The following TASP1 variants were observed in gnomAD, a reference collection of about 807,000 sequenced individuals.
TASP1 encodes threonine aspartase 1.
Under a neutral mutation model 56.6 loss-of-function variants are expected in TASP1, and 16 were observed. That is an observed-to-expected ratio of 0.28 (90% CI 0.19 to 0.43). The LOEUF (loss-of-function observed/expected upper bound fraction) is 0.43, where lower values mean the gene tolerates loss of function less well. Among genes scored for constraint, TASP1 ranks in the 20% least tolerant of loss-of-function variants. The pLI is 1.00. For synonymous variants in TASP1, 179 were observed against 184.2 expected, an observed-to-expected ratio of 0.97 and a Z score of 0.23; for missense variants, 393 against 511.6, an observed-to-expected ratio of 0.77 and a Z score of 2.24.
intron 11 of TASP1, among the ~76,000 whole-genome samples, chr20:13,477,365 A>G (rs913914805): frequency 6.6e-6 from 1 of 152,144 alleles, no homozygotes; most frequent in African/African-American, 2.4e-5. Flanking sequence ...TTGTAGGTTT[A>G]TAAGACTAGT....
chr20:13,635,549 G>A (rs908799143), intron 1 of TASP1, among the ~76,000 whole-genome samples: 1 of 151,900 alleles, frequency 6.6e-6, no homozygotes, highest in Non-Finnish European at 1.5e-5. Flanking sequence ...CCCCATGCCT[G>A]GCTAATTTTT....
chr20:13,141,236 T>C, the TASP1 span, among the ~76,000 whole-genome samples: 1 of 152,240 alleles, frequency 6.6e-6, no homozygotes, highest in Admixed American at 6.5e-5. Flanking sequence ...GTGCAAACTG[T>C]TGGGAGCTGC....
the TASP1 span, among the ~76,000 whole-genome samples, chr20:13,171,657 C>T: frequency 1.3e-5 from 2 of 152,114 alleles, no homozygotes; most frequent in African/African-American, 4.8e-5. Flanking sequence ...TCTATTGTTT[C>T]TAATAGCGAA....
At position 13,389,452 on chromosome 20, in the gene TASP1, A is replaced by C. The variant is rs1241627078; in HGVS notation, c.*908T>G. ...GAGGAGTCACATACTATACCCAGTA[A>C]TACGCTTCTTTTATTTTTGTGCCTT... On this transcript the variant is annotated 3_prime_UTR_variant, in exon 14 of 14. Coordinates refer to ENST00000337743, the MANE Select transcript of TASP1 (RefSeq NM_017714.3). The C allele has an allele frequency of 6.6e-6, 1 of 152,284 alleles. No individual in the cohort carries two copies. Among genetic ancestry groups the C allele is most frequent in the African/African-American group, 2.4e-5 (1 of 41,470 alleles). 9.4% of individuals were successfully genotyped at this position (152,284 alleles called of 1,614,324 possible).
the TASP1 span, among the ~76,000 whole-genome samples, chr20:13,113,385 G>A: frequency 2.6e-4 from 39 of 152,130 alleles, no homozygotes; most frequent in African/African-American, 8.4e-4. Flanking sequence ...CATGGGTAAA[G>A]CACCCCCACA....
chr20:13,131,484 C>T, the TASP1 span, among the ~76,000 whole-genome samples: 1,083 of 152,332 alleles, frequency 7.1e-3, 14 homozygotes, highest in African/African-American at 0.024. Context: ...ACACTAAACA[C>T]TCAATAAAGT....
the TASP1 span, among the ~76,000 whole-genome samples, chr20:13,191,605 A>T: frequency 1.3e-5 from 2 of 152,184 alleles, no homozygotes; most frequent in Non-Finnish European, 2.9e-5. Context: ...AGGAGAGGAG[A>T]TAGGCAGAGC....
chr20:13,445,230 A>C (rs2043363709), intron 11 of TASP1, among the ~76,000 whole-genome samples: 1 of 152,210 alleles, frequency 6.6e-6, no homozygotes, highest in East Asian at 1.9e-4. Context: ...AACCAAACTG[A>C]GAATTCAATT....
intron 11 of TASP1, among the ~76,000 whole-genome samples, chr20:13,460,887 T>C (rs1363263350): frequency 6.6e-6 from 1 of 152,134 alleles, no homozygotes; most frequent in African/African-American, 2.4e-5. Flanking sequence ...CCAAAATCTA[T>C]TGTCAGCACC....
the TASP1 span, among the ~76,000 whole-genome samples, chr20:13,183,476 AC>A: frequency 6.6e-6 from 1 of 152,236 alleles, no homozygotes. Flanking sequence ...ATTTGCATTT[AC>A]AAAGCAACAT....
chr20:13,151,220 A>T, the TASP1 span, among the ~76,000 whole-genome samples: 1 of 152,144 alleles, frequency 6.6e-6, no homozygotes, highest in South Asian at 2.1e-4. Flanking sequence ...TTCTACTCTT[A>T]CTACCAACTA....
intron 10 of TASP1, among the ~76,000 whole-genome samples, chr20:13,495,975 C>T (rs185990154): frequency 1.3e-4 from 20 of 152,188 alleles, no homozygotes; most frequent in African/African-American, 4.6e-4. Flanking sequence ...AATTAAGAAA[C>T]CACATGGCTA....
the TASP1 span, among the ~76,000 whole-genome samples, chr20:13,152,818 T>C: frequency 1.9e-3 from 287 of 152,314 alleles, 1 homozygote; most frequent in East Asian, 0.016. Flanking sequence ...TTCAACCCTT[T>C]GAAAAGGCAC....
the TASP1 span, chr20:13,221,963 T>TGGGGC: frequency 7.7e-7 from 1 of 1,300,722 alleles, no homozygotes; most frequent in South Asian, 2.2e-5. Flanking sequence ...GGACGGTTTG[T>TGGGGC]GGGGCGGGGG....
the TASP1 span, among the ~76,000 whole-genome samples, chr20:13,204,689 G>A: frequency 3.6e-3 from 543 of 152,186 alleles, 5 homozygotes; most frequent in Non-Finnish European, 6.0e-3. Flanking sequence ...ACAGGTGCAC[G>A]CCACCAGTGG....
At chr20:13,147,448 A>C in the TASP1 span, among the ~76,000 whole-genome samples, 21 of 152,012 alleles carry the variant, frequency 1.4e-4, no homozygotes, top group Admixed American at 5.2e-4. Flanking sequence ...TCAGTGCTTA[A>C]AATAACAGAC....
chr20:13,277,693 A>G, the TASP1 span, among the ~76,000 whole-genome samples: 10 of 149,698 alleles, frequency 6.7e-5, no homozygotes, highest in Admixed American at 6.6e-4. Context: ...ACAATTATTT[A>G]CAAATATGCA....
At chr20:13,606,390 C>T (rs1437864659) in intron 4 of TASP1, among the ~76,000 whole-genome samples, 1 of 152,136 alleles carries the variant, frequency 6.6e-6, no homozygotes, top group Non-Finnish European at 1.5e-5. Flanking sequence ...TTTCCCCAGC[C>T]ATTCCCAACA....
the TASP1 span, among the ~76,000 whole-genome samples, chr20:13,353,247 CAAAAAA>C: frequency 9.0e-6 from 1 of 111,136 alleles, no homozygotes; most frequent in African/African-American, 2.8e-5. Flanking sequence ...GATTTTGTCT[CAAAAAA>C]AAAAAAAAAA....
Sources: gnomAD v4.1 joint callset for allele counts (sites outside exome capture counted in the v4.1 genomes callset) on GRCh38, gnomAD v4.1.1 for gene constraint, MANE v1.5 for transcripts, NCBI Gene and HGNC (gene_info 2026-07-23, HGNC 2026-07-21) for gene names.